NUP93: variants seen among roughly 807,000 people sequenced by gnomAD.
NUP93 encodes nucleoporin 93, also known as nuclear pore complex protein Nup93.
In NUP93, 55 loss-of-function variants were observed where a neutral mutation model predicts 107.8. The ratio of observed to expected loss-of-function variants is 0.51; its 90% CI spans 0.41 to 0.64. The LOEUF is 0.64. Among genes scored for constraint, NUP93 ranks in the 30% least tolerant of loss-of-function variants. NUP93 has a pLI of 0.00. For synonymous variants in NUP93, 390 were observed against 397.5 expected (o/e 0.98, Z 0.22); for missense variants, 937 against 1,044.7 (o/e 0.90, Z 1.42).
At chr16:56,791,545 C>T (rs773560881) in intron 3 of NUP93, among the ~76,000 whole-genome samples, 10 of 152,290 alleles carry the variant, frequency 6.6e-5, no homozygotes, top group South Asian at 4.2e-4. Flanking sequence ...TCCTTTTGCT[C>T]GCTCCCTTTT....
At position 56,847,783 on chromosome 16, in the gene NUP93, C is replaced by T. The variant is rs566504605; in HGVS notation, c.*3174C>T. On this transcript the variant is annotated 3_prime_UTR_variant, in exon 22 of 22. Coordinates refer to ENST00000308159, the MANE Select transcript of NUP93 (RefSeq NM_014669.5). ...CAAAGAGCAGGAAGTGCCCATTTTACACTGGGGCCAGGATGCAGACCCAGC... is the reference window on the plus strand; with the variant it reads ...CAAAGAGCAGGAAGTGCCCATTTTATACTGGGGCCAGGATGCAGACCCAGC... 7.5e-4 allele frequency: 114 copies of T among 152,310 alleles called. No individual in the cohort carries two copies. The highest frequency in any genetic ancestry group is 1.9e-3 in the Admixed American group (29 of 15,308). The allele number at this position is 152,310 out of a possible 1,614,324, so 9.4% of individuals were successfully genotyped here. A position where few individuals can be genotyped will look rare whatever the true frequency, so the allele number is the denominator to read the frequency against.
chr16:56,740,635 A>C (rs1961716097), intron 1 of NUP93: 1 of 220,506 alleles, frequency 4.5e-6, no homozygotes, highest in African/African-American at 2.4e-5. Context: ...GCAGCCGGGC[A>C]GAGGCTGCAA....
chr16:56,782,662 G>A (rs1210860001), intron 3 of NUP93: 1 of 152,178 alleles, frequency 6.6e-6, no homozygotes, highest in Admixed American at 6.5e-5. Flanking sequence ...GTGAGTGCGT[G>A]TGTGTGTTTG....
At chr16:56,826,331 G>A (rs547842608) in intron 8 of NUP93, among the ~76,000 whole-genome samples, 2 of 152,240 alleles carry the variant, frequency 1.3e-5, no homozygotes, top group African/African-American at 2.4e-5. Context: ...GGCCAACATC[G>A]TGAAACCCCG....
At chr16:56,742,153 A>C (rs1416430119) in intron 1 of NUP93, among the ~76,000 whole-genome samples, 1 of 152,276 alleles carries the variant, frequency 6.6e-6, no homozygotes. Flanking sequence ...GACAGGCATC[A>C]TCATTTACAA....
chr16:56,838,008 A>G (rs1963948631), intron 18 of NUP93, among the ~76,000 whole-genome samples: 1 of 152,220 alleles, frequency 6.6e-6, no homozygotes, highest in African/African-American at 2.4e-5. Flanking sequence ...TTTAAGCATT[A>G]TGCTCGCCTA....
chr16:56,799,494 C>T (rs1286995514), intron 4 of NUP93, among the ~76,000 whole-genome samples: 2 of 152,064 alleles, frequency 1.3e-5, no homozygotes, highest in Non-Finnish European at 1.5e-5. Flanking sequence ...GATTTTTGGG[C>T]CACTGGGGCC....
intron 2 of NUP93, among the ~76,000 whole-genome samples, chr16:56,752,391 G>A (rs149250982): frequency 1.9e-3 from 290 of 152,278 alleles, no homozygotes; most frequent in Non-Finnish European, 3.1e-3. Flanking sequence ...ATGTAGTAGA[G>A]TACTCTTCAG....
intron 16 of NUP93, 68 bp downstream of exon 16, chr16:56,834,846 A>C: frequency 8.0e-7 from 1 of 1,252,562 alleles, no homozygotes; most frequent in Non-Finnish European, 1.2e-6. Context: ...CAAAAAATAC[A>C]CTTAGATTTT....
At chr16:56,771,438 G>A (rs919774710) in intron 3 of NUP93, among the ~76,000 whole-genome samples, 1 of 152,080 alleles carries the variant, frequency 6.6e-6, no homozygotes, top group Non-Finnish European at 1.5e-5. Flanking sequence ...GTGATGGATT[G>A]GTTGGGTAAA....
At chr16:56,759,562 C>A (rs1324184554) in intron 3 of NUP93, among the ~76,000 whole-genome samples, 1 of 152,192 alleles carries the variant, frequency 6.6e-6, no homozygotes, top group African/African-American at 2.4e-5. Flanking sequence ...TTTCCTATTG[C>A]TGCTATGTTC....
Position 56,798,550 on chromosome 16 carries a change from A to G in NUP93, c.360+12A>G. On this transcript the variant is annotated intron_variant, in intron 4 of 21. Transcript: ENST00000308159. ...AGTCCCGGAAGAGGGTAAGAAAATT[A>G]ACCAAAATGTAGATGTATACAGATG... The G allele has an allele frequency of 6.2e-7, 1 of 1,611,308 alleles. No individual in the cohort carries two copies. The highest frequency in any genetic ancestry group is 8.5e-7 in the Non-Finnish European group (1 of 1,177,406).
chr16:56,732,132 A>G (rs1477943471), intron 1 of NUP93, among the ~76,000 whole-genome samples: 1 of 152,164 alleles, frequency 6.6e-6, no homozygotes, highest in East Asian at 1.9e-4. Flanking sequence ...GGAGGCACCT[A>G]GTGAGGCTTT....
chr16:56,730,385 C>G (rs1196263442), intron 1 of NUP93, among the ~76,000 whole-genome samples, 174 bp downstream of exon 1: 1 of 152,212 alleles, frequency 6.6e-6, no homozygotes, highest in Non-Finnish European at 1.5e-5. Flanking sequence ...TGTCGAGCCG[C>G]CCCCGAGGCT....
intron 3 of NUP93, among the ~76,000 whole-genome samples, chr16:56,764,745 C>T (rs956909757): frequency 3.3e-5 from 5 of 152,048 alleles, no homozygotes; most frequent in Admixed American, 6.5e-5. Flanking sequence ...GATTAATATG[C>T]GAATAGCTCT....
intron 4 of NUP93, among the ~76,000 whole-genome samples, chr16:56,800,755 A>AT (rs1238544391): frequency 6.6e-6 from 1 of 152,230 alleles, no homozygotes; most frequent in African/African-American, 2.4e-5. Flanking sequence ...GTCTTTCCCC[A>AT]TTTGGTACAT....
chr16:56,799,229 A>G (rs926581239), intron 4 of NUP93, among the ~76,000 whole-genome samples: 17 of 152,186 alleles, frequency 1.1e-4, no homozygotes, highest in African/African-American at 3.6e-4. Context: ...ATATGAGTGG[A>G]CCACCTTTTA....
At chr16:56,805,213 G>A (rs552582942) in intron 4 of NUP93, among the ~76,000 whole-genome samples, 9 of 152,070 alleles carry the variant, frequency 5.9e-5, no homozygotes, top group Non-Finnish European at 8.8e-5. Context: ...GTACACCACC[G>A]TGCCCAGCTA....
chr16:56,845,655 G>C lies in NUP93; in HGVS notation c.*1046G>C, dbSNP rs552820983. 1 of 152,320 alleles carries C rather than the reference G, an allele frequency of 6.6e-6. No individual in the cohort carries two copies. The highest frequency in any genetic ancestry group is 1.9e-4 in the East Asian group (1 of 5,176). 9.4% of individuals were successfully genotyped at this position (152,320 alleles called of 1,614,324 possible). A position where few individuals can be genotyped will look rare whatever the true frequency, so the allele number is the denominator to read the frequency against. On this transcript the variant is annotated 3_prime_UTR_variant, in exon 22 of 22. Coordinates refer to ENST00000308159, the MANE Select transcript of NUP93 (RefSeq NM_014669.5). ...CTGAATGGGCCAACTGGAGCCTTGA[G>C]ACAGTGGGCAGTGGTCTGCTCTGCT...
Sources: allele counts gnomAD v4.1 joint callset (sites outside exome capture counted in the v4.1 genomes callset), GRCh38; gene constraint gnomAD v4.1.1; transcripts MANE v1.5; gene names NCBI Gene and HGNC (gene_info 2026-07-23, HGNC 2026-07-21).